Variants in SLC9A4 observed in about 807,000 individuals in gnomAD.
SLC9A4 encodes sodium/hydrogen exchanger 4.
Under a neutral mutation model 67.4 loss-of-function variants are expected in SLC9A4, and 63 were observed. The observed-to-expected ratio is 0.93, with a 90% CI of 0.76 to 1.15. SLC9A4 has a LOEUF of 1.15. Among genes scored for constraint, SLC9A4 ranks in the 50% most tolerant of loss-of-function variants. The pLI is 0.00. For missense variants in SLC9A4, 1,089 were observed against 987.7 expected, an observed-to-expected ratio of 1.10 and a Z score of -1.38; for synonymous variants, 393 against 367.2, an observed-to-expected ratio of 1.07 and a Z score of -0.80.
At position 102,479,207 on chromosome 2, in the gene SLC9A4, G is replaced by C; in HGVS notation, c.625G>C (p.Val209Leu). 1 of 1,614,204 alleles carries C rather than the reference G, an allele frequency of 6.2e-7. No homozygotes were observed. The highest frequency in any genetic ancestry group is 2.2e-5 in the East Asian group (1 of 44,878). Residue 209 changes from valine to leucine, a missense_variant, in exon 2 of 12, where the codon GTG becomes CTG. Val to Leu is a conservative substitution (Grantham distance 32). Coordinates refer to ENST00000295269, the MANE Select transcript of SLC9A4 (RefSeq NM_001011552.4). ...FGSLISAVDP[V>L]AVLAVFEEAR... ...CAGCCTGATCTCCGCCGTGGACCCA[G>C]TGGCCGTGCTAGCCGTGTTTGAGGA...
chr2:102,523,435 T>C (rs1156694973), intron 9 of SLC9A4, among the ~76,000 whole-genome samples: 1 of 152,226 alleles, frequency 6.6e-6, no homozygotes, highest in Non-Finnish European at 1.5e-5. Context: ...GAGGATGCCA[T>C]TGTCAATCCC....
chr2:102,476,338 AT>A (rs537149711), intron 1 of SLC9A4, among the ~76,000 whole-genome samples: 48 of 152,334 alleles, frequency 3.2e-4, no homozygotes, highest in Admixed American at 2.7e-3. Context: ...ATTTGTGTCC[AT>A]TTAAGCTCTA....
chr2:102,478,873 G>A lies in SLC9A4; in HGVS notation c.291G>A (p.Met97Ile), dbSNP rs1160923878. ...TCTACCACAGGCTGCCAGGCCTCAT[G>A]CCAGAAAGCTGCCTCCTCATCCTGG... Reference protein sequence around the residue: ...FHLYHRLPGLMPESCLLILVG... With the variant: ...FHLYHRLPGLIPESCLLILVG... The change falls in exon 2 of 12, where the codon ATG becomes ATA. Residue 97 changes from methionine to isoleucine, a missense_variant. Physicochemically the swap from Met to Ile is conservative, Grantham distance 10. Coordinates refer to ENST00000295269, the MANE Select transcript of SLC9A4 (RefSeq NM_001011552.4). The A allele has an allele frequency of 1.9e-6, 3 of 1,614,010 alleles. No homozygotes were observed. Among genetic ancestry groups the A allele is most frequent in the Non-Finnish European group, 1.7e-6 (2 of 1,180,024 alleles).
chr2:102,525,630 CATT>C (rs1674645103), intron 10 of SLC9A4, among the ~76,000 whole-genome samples: 1 of 151,972 alleles, frequency 6.6e-6, no homozygotes, highest in Non-Finnish European at 1.5e-5. Flanking sequence ...GCACTCTTCC[CATT>C]GGAGGCCATA....
In SLC9A4 at chr2:102,473,645, CTG is replaced by C; in HGVS notation, c.-113_-112del. ...GAATCTTCTTGGGAGGACCCACAGACTGTACCTATATTACTTTTGACCCAGGT... is the reference window on the plus strand; with the variant it reads ...GAATCTTCTTGGGAGGACCCACAGACTACCTATATTACTTTTGACCCAGGT... On this transcript the variant is annotated 5_prime_UTR_variant, in exon 1 of 12. Transcript: ENST00000295269. 7.6e-7 allele frequency: 1 copy of C among 1,313,834 alleles called. No homozygotes were observed. Among genetic ancestry groups the C allele is most frequent in the Non-Finnish European group, 1.0e-6 (1 of 958,638 alleles). 81.4% of individuals were successfully genotyped at this position (1,313,834 alleles called of 1,614,324 possible).
At chr2:102,526,857 CTT>C (rs1021346594) in intron 11 of SLC9A4, among the ~76,000 whole-genome samples, 3 of 152,038 alleles carry the variant, frequency 2.0e-5, no homozygotes, top group African/African-American at 4.8e-5. Context: ...ATTATTGAAA[CTT>C]TATTATTCTA....
chr2:102,505,961 A>G (rs1026670956), intron 4 of SLC9A4, among the ~76,000 whole-genome samples: 5 of 152,208 alleles, frequency 3.3e-5, no homozygotes, highest in African/African-American at 9.7e-5. Flanking sequence ...ATTGTATTCT[A>G]TGGAAGACAA....
In SLC9A4 at chr2:102,478,847, C is replaced by T. The variant is rs957584201; in HGVS notation, c.265C>T (p.Leu89Phe). Residue 89 changes from leucine (L) to phenylalanine (F), a missense_variant, in exon 2 of 12, where the codon CTC (leucine) becomes TTC (phenylalanine). Coordinates refer to ENST00000295269, the MANE Select transcript of SLC9A4 (RefSeq NM_001011552.4). ...LASLAKIGFH[L>F]YHRLPGLMPE... ...TCTTCGCTGTTCTGCAGGCTTCCAC[C>T]TCTACCACAGGCTGCCAGGCCTCAT... is the stretch of plus-strand genomic sequence containing the variant. The T allele has an allele frequency of 5.0e-6, 8 of 1,613,786 alleles. No individual in the cohort carries two copies. Among genetic ancestry groups the T allele is most frequent in the Non-Finnish European group, 6.8e-6 (8 of 1,179,834 alleles).
At chr2:102,483,799 C>CATATAT (rs61195337) in intron 2 of SLC9A4, among the ~76,000 whole-genome samples, 106 of 114,258 alleles carry the variant, frequency 9.3e-4, no homozygotes, top group East Asian at 6.3e-3. Context: ...CCATGTACAG[C>CATATAT]ATATATATAT....
Position 102,493,375 on chromosome 2 carries a change from A to G in SLC9A4, c.721-10073A>G, listed in dbSNP as rs1684743370. 1.3e-5 allele frequency among the ~76,000 whole-genome samples: 2 copies of G among 151,870 alleles called. 1 individual carries two copies. The highest frequency in any genetic ancestry group is 4.9e-5 in the African/African-American group (2 of 41,138). ...TAATTTATAAAGGGAAAGAGGTTTA[A>G]TTGACTCACAGTTCCACATGACTGG... On this transcript the variant is annotated intron_variant, in intron 2 of 11. Transcript: ENST00000295269.
chr2:102,503,579 T>G lies in SLC9A4; in HGVS notation c.852T>G (p.Phe284Leu), dbSNP rs1684988579. Residue 284 changes from phenylalanine (F) to leucine (L), a missense_variant, in exon 3 of 12, where the codon TTT becomes TTG. Coordinates refer to ENST00000295269, the MANE Select transcript of SLC9A4 (RefSeq NM_001011552.4). Reference sequence around the variant, plus strand: ...GAGGGGTATTGTTTGGCATCGTTTTTGGATTTATTTCTGCATTTATCACAC... The same window carrying G: ...GAGGGGTATTGTTTGGCATCGTTTTGGGATTTATTTCTGCATTTATCACAC... ...GLGGVLFGIV[F>L]GFISAFITRF... is the part of the protein sequence containing the mutation. 1 of 1,614,074 alleles carries G rather than the reference T, an allele frequency of 6.2e-7. No individual in the cohort carries two copies. The highest frequency in any genetic ancestry group is 8.5e-7 in the Non-Finnish European group (1 of 1,180,036).
At chr2:102,503,866 GTTCT>G (rs1684996070) in intron 3 of SLC9A4, among the ~76,000 whole-genome samples, 159 bp downstream of exon 3, 1 of 152,126 alleles carries the variant, frequency 6.6e-6, no homozygotes, top group South Asian at 2.1e-4. Context: ...CCTGATTCGG[GTTCT>G]TTGTCAAACC....
At chr2:102,502,044 G>C (rs1275565614) in intron 2 of SLC9A4, among the ~76,000 whole-genome samples, 1 of 152,126 alleles carries the variant, frequency 6.6e-6, no homozygotes, top group African/African-American at 2.4e-5. Flanking sequence ...TTGAGTTTTA[G>C]CTTCCGTCCT....
chr2:102,493,489 G>A (rs902794960), intron 2 of SLC9A4, among the ~76,000 whole-genome samples: 1 of 151,796 alleles, frequency 6.6e-6, no homozygotes, highest in Non-Finnish European at 1.5e-5. Flanking sequence ...CAGGGAAACT[G>A]CCCTTTATAA....
Position 102,503,476 on chromosome 2 carries a change from CAAAGATGCAT to C in SLC9A4, c.753_762del (p.Lys251AsnfsTer5). 1 of 1,612,536 alleles carries C rather than the reference CAAAGATGCAT, an allele frequency of 6.2e-7. No individual in the cohort carries two copies. The highest frequency in any genetic ancestry group is 1.7e-5 in the Admixed American group (1 of 59,908). The stretch of plus-strand genomic sequence containing the variant: ...TTATACAATATGTTAATTGCCTTTA[CAAAGATGCAT>C]AAATTTGAAGACATAGAAACTGTCG... On this transcript the variant is annotated frameshift_variant, in exon 3 of 12. Coordinates refer to ENST00000295269, the MANE Select transcript of SLC9A4 (RefSeq NM_001011552.4). LOFTEE classifies it high-confidence loss of function.
At chr2:102,513,476 C>G (rs888323583) in intron 7 of SLC9A4, among the ~76,000 whole-genome samples, 1 of 152,360 alleles carries the variant, frequency 6.6e-6, no homozygotes, top group East Asian at 1.9e-4. Flanking sequence ...GTCGAATGGG[C>G]TGGCCAGAGG....
rs61708027 is a variant in SLC9A4, at chr2:102,491,317, C to CTTTTTTTTTTTTTTTTTT, written c.720+12033_720+12050dup. The stretch of plus-strand genomic sequence containing the variant: ...ATTTCTCTTCCCATTTGTACTAATG[C>CTTTTTTTTTTTTTTTTTT]TTTTTTTTTTTTTTTTTTTTTTTTT... On this transcript the variant is annotated intron_variant, in intron 2 of 11. Transcript: ENST00000295269. Among the ~76,000 whole-genome samples, 18 of 45,740 alleles carry CTTTTTTTTTTTTTTTTTT rather than the reference C, an allele frequency of 3.9e-4. 2 individuals carry two copies. The highest frequency in any genetic ancestry group is 3.6e-3 in the East Asian group (4 of 1,098). The allele number at this position is 45,740 out of a possible 152,430, so 30.0% of individuals were successfully genotyped here. A position where few individuals can be genotyped will look rare whatever the true frequency, so the allele number is the denominator to read the frequency against.
rs1302706498 is a variant in SLC9A4 at position 102,473,926 on chromosome 2, G to A, written c.167G>A (p.Gly56Glu). 3.7e-6 allele frequency: 6 copies of A among 1,614,030 alleles called. No individual in the cohort carries two copies. Among genetic ancestry groups the A allele is most frequent in the Middle Eastern group, 1.7e-4 (1 of 6,060 alleles). The stretch of plus-strand genomic sequence containing the variant: ...GCTGCCAGCTCAGAGCCAGAGGAAG[G>A]GATATCTGTTTTTGAACTGGATTAT... Reference protein sequence around the residue: ...FAAASSEPEEGISVFELDYDY... With the variant: ...FAAASSEPEEEISVFELDYDY... The change falls in exon 1 of 12, where the codon GGG becomes GAG. Residue 56 changes from glycine (G) to glutamate (E), a missense_variant. By Grantham distance (98) the Gly-to-Glu change is moderately conservative. Transcript: ENST00000295269.
chr2:102,492,374 A>T (rs1684721214), intron 2 of SLC9A4, among the ~76,000 whole-genome samples: 1 of 152,268 alleles, frequency 6.6e-6, no homozygotes, highest in East Asian at 1.9e-4. Flanking sequence ...CAGCCTGGAC[A>T]TCCAGGCATT....
Sources: gnomAD v4.1 joint callset for allele counts (sites outside exome capture counted in the v4.1 genomes callset) on GRCh38, gnomAD v4.1.1 for gene constraint, MANE v1.5 for transcripts, NCBI Gene and HGNC (gene_info 2026-07-23, HGNC 2026-07-21) for gene names.